The following RSRC1 variants were observed in gnomAD, a reference collection of about 807,000 sequenced individuals.
RSRC1 encodes arginine and serine rich coiled-coil 1.
In RSRC1, 39 loss-of-function variants were observed where a neutral mutation model predicts 49.1. The ratio of observed to expected loss-of-function variants is 0.79; its 90% confidence interval spans 0.61 to 1.04. The LOEUF (loss-of-function observed/expected upper bound fraction) is 1.04. Among genes scored for constraint, RSRC1 ranks in the 50% least tolerant of loss-of-function variants. RSRC1 has a pLI of 0.00. For missense variants in RSRC1, 388 were observed against 402.4 expected (o/e 0.96, Z 0.31); for synonymous variants, 143 against 130.8 (o/e 1.09, Z -0.63).
At chr3:158,331,064 A>G (rs992573335) in intron 5 of RSRC1, among the ~76,000 whole-genome samples, 68 of 152,088 alleles carry the variant, frequency 4.5e-4, no homozygotes, top group Admixed American at 1.5e-3. Context: ...TTGAGACTTA[A>G]TCATTATCAC....
At chr3:158,276,608 CTTTA>C (rs1406061099) in intron 4 of RSRC1, among the ~76,000 whole-genome samples, 10 of 152,226 alleles carry the variant, frequency 6.6e-5, no homozygotes, top group South Asian at 2.1e-4. Flanking sequence ...TGGTCCTATA[CTTTA>C]TTTATTTTTT....
intron 6 of RSRC1, among the ~76,000 whole-genome samples, chr3:158,458,933 T>C (rs1036133186): frequency 6.6e-6 from 1 of 152,188 alleles, no homozygotes; most frequent in Non-Finnish European, 1.5e-5. Flanking sequence ...TTTTTCCAGA[T>C]TTCCTTAATA....
chr3:158,340,441 T>G (rs1278882701), intron 5 of RSRC1, among the ~76,000 whole-genome samples: 3 of 152,056 alleles, frequency 2.0e-5, no homozygotes, highest in African/African-American at 7.2e-5. Context: ...CTCAGGAGGC[T>G]GAGGCAGGAG....
At chr3:158,334,392 A>G (rs1729741103) in intron 5 of RSRC1, among the ~76,000 whole-genome samples, 1 of 152,218 alleles carries the variant, frequency 6.6e-6, no homozygotes, top group Admixed American at 6.5e-5. Flanking sequence ...TGTCATAAGT[A>G]ACTGATACAT....
intron 3 of RSRC1, among the ~76,000 whole-genome samples, chr3:158,141,073 G>A (rs1716719259): frequency 6.6e-6 from 1 of 152,154 alleles, no homozygotes; most frequent in African/African-American, 2.4e-5. Flanking sequence ...GAATTAATAG[G>A]TATGGATGTT....
chr3:158,154,412 G>T (rs1029844355), intron 3 of RSRC1, among the ~76,000 whole-genome samples: 13 of 151,682 alleles, frequency 8.6e-5, no homozygotes, highest in African/African-American at 2.9e-4. Context: ...TTTTTTAAAT[G>T]AAAGATTTCT....
intron 6 of RSRC1, among the ~76,000 whole-genome samples, chr3:158,414,507 C>T (rs1000745184): frequency 6.6e-6 from 1 of 152,034 alleles, no homozygotes; most frequent in African/African-American, 2.4e-5. Flanking sequence ...ACATGTTTAC[C>T]TGTGTAACAA....
intron 6 of RSRC1, among the ~76,000 whole-genome samples, chr3:158,440,248 A>C (rs564673985): frequency 3.9e-5 from 6 of 152,172 alleles, no homozygotes; most frequent in Non-Finnish European, 5.9e-5. Flanking sequence ...GGGAAAAATG[A>C]GTGAGAACCA....
intron 4 of RSRC1, among the ~76,000 whole-genome samples, chr3:158,289,365 A>G (rs1339473905): frequency 1.3e-5 from 2 of 152,230 alleles, no homozygotes; most frequent in Non-Finnish European, 2.9e-5. Context: ...CCAAGTGTGT[A>G]TCATAAGTCC....
chr3:158,215,734 A>T (rs923832836), intron 4 of RSRC1, among the ~76,000 whole-genome samples: 1 of 151,670 alleles, frequency 6.6e-6, no homozygotes, highest in African/African-American at 2.4e-5. Flanking sequence ...TCTGTGTTTT[A>T]TTGCTTCAGT....
At chr3:158,487,086 G>A (rs562251399) in intron 7 of RSRC1, among the ~76,000 whole-genome samples, 17 of 152,246 alleles carry the variant, frequency 1.1e-4, no homozygotes, top group African/African-American at 4.1e-4. Context: ...CCAAGAACCT[G>A]TGTATGTTCT....
chr3:158,220,180 C>G (rs1006303133), intron 4 of RSRC1, among the ~76,000 whole-genome samples: 4 of 151,598 alleles, frequency 2.6e-5, no homozygotes, highest in African/African-American at 9.7e-5. Context: ...GTATCCGTGG[C>G]TCACTGGAAG....
chr3:158,236,754 G>T (rs1723271325), intron 4 of RSRC1, among the ~76,000 whole-genome samples: 1 of 152,150 alleles, frequency 6.6e-6, no homozygotes, highest in African/African-American at 2.4e-5. Context: ...TGTTGTATTT[G>T]GGAAAGAAAG....
intron 7 of RSRC1, among the ~76,000 whole-genome samples, chr3:158,473,537 T>C (rs1347141706): frequency 6.6e-6 from 1 of 151,846 alleles, no homozygotes; most frequent in Non-Finnish European, 1.5e-5. Context: ...GGGGGAGGGA[T>C]AGCATTAGGA....
In RSRC1 at chr3:158,374,497, A is replaced by T. The variant is rs117645120; in HGVS notation, c.583+19589A>T. On this transcript the variant is annotated intron_variant, in intron 6 of 9. Transcript: ENST00000611884. The stretch of plus-strand genomic sequence containing the variant: ...TAGATCTGTAATTTTAACCAAGTAA[A>T]ATACGCTTATTTTTCCTTTAGAGCA... 6.0e-3 allele frequency among the ~76,000 whole-genome samples: 921 copies of T among 152,270 alleles called. 35 individuals carry two copies. The East Asian group carries it at 0.091, about 15-fold the overall frequency.
At chr3:158,118,379 A>G (rs982405961) in intron 1 of RSRC1, among the ~76,000 whole-genome samples, 1 of 145,528 alleles carries the variant, frequency 6.9e-6, no homozygotes, top group Non-Finnish European at 1.5e-5. Context: ...TACTAGAGGC[A>G]TGTGCCACCA....
chr3:158,350,482 A>G (rs1578373508), intron 5 of RSRC1, among the ~76,000 whole-genome samples: 3 of 151,966 alleles, frequency 2.0e-5, no homozygotes, highest in African/African-American at 7.2e-5. Flanking sequence ...GTAGAACTGT[A>G]TTTTCTCTTT....
At chr3:158,408,961 A>C (rs963873962) in intron 6 of RSRC1, among the ~76,000 whole-genome samples, 16 of 152,144 alleles carry the variant, frequency 1.1e-4, no homozygotes, top group African/African-American at 3.6e-4. Context: ...TGAACCCAGG[A>C]GGCAGAGGTT....
intron 4 of RSRC1, among the ~76,000 whole-genome samples, chr3:158,228,827 G>GTGTATA: frequency 7.3e-6 from 1 of 136,610 alleles, no homozygotes; most frequent in African/African-American, 2.7e-5. Context: ...ATAGACACAC[G>GTGTATA]TGTGTATATA....
Sources: gnomAD v4.1 joint callset for allele counts (sites outside exome capture counted in the v4.1 genomes callset) on GRCh38, gnomAD v4.1.1 for gene constraint, MANE v1.5 for transcripts, NCBI Gene and HGNC (gene_info 2026-07-23, HGNC 2026-07-21) for gene names.